RAB43: variants seen among roughly 807,000 people sequenced by gnomAD.
RAB43 encodes the protein RAB43, member RAS oncogene family.
In RAB43, 6 loss-of-function variants were observed where a neutral mutation model predicts 18.8. That is an observed-to-expected ratio of 0.32 (90% CI 0.17 to 0.63). RAB43 has a LOEUF of 0.63. Among genes scored for constraint, RAB43 ranks in the 30% least tolerant of loss-of-function variants. The probability of loss-of-function intolerance (pLI) is 0.79; values close to 1 mark genes in which losing one functional copy is unlikely to be tolerated. For synonymous variants in RAB43, 103 were observed against 124.1 expected (o/e 0.83, Z 1.13); for missense variants, 195 against 289.1 (o/e 0.67, Z 2.36).
chr3:129,099,605 C>T (rs758540629), intron 1 of RAB43, among the ~76,000 whole-genome samples: 11 of 152,052 alleles, frequency 7.2e-5, no homozygotes, highest in Non-Finnish European at 1.5e-4. Flanking sequence ...AGTCTGGTCT[C>T]GAACTCCCGA....
intron 2 of RAB43, among the ~76,000 whole-genome samples, chr3:129,093,091 A>C (rs1191110492): frequency 1.3e-5 from 2 of 151,952 alleles, no homozygotes; most frequent in Non-Finnish European, 2.9e-5. Context: ...CCCAGGTTCA[A>C]GCGATTCTCC....
chr3:129,088,216 CAGGTACAGGTCTTG>C lies in RAB43; in HGVS notation c.*2866_*2879del, dbSNP rs954448763. On this transcript the variant is annotated 3_prime_UTR_variant, in exon 3 of 3. Coordinates refer to ENST00000315150, the MANE Select transcript of RAB43 (RefSeq NM_198490.3). Reference sequence around the variant, plus strand: ...AGCAGGGCAGGAGCCCCTGCAACCCCAGGTACAGGTCTTGAGTCCCTGGACACCGGCTTTTGTGC... The same window carrying C: ...AGCAGGGCAGGAGCCCCTGCAACCCCAGTCCCTGGACACCGGCTTTTGTGC... 3 of 148,970 alleles carry C rather than the reference CAGGTACAGGTCTTG, an allele frequency of 2.0e-5. No homozygotes were observed. The highest frequency in any genetic ancestry group is 4.2e-4 in the East Asian group (2 of 4,788). The allele number at this position is 148,970 out of a possible 1,614,324, so 9.2% of individuals were successfully genotyped here.
intron 1 of RAB43, among the ~76,000 whole-genome samples, chr3:129,097,232 A>G (rs574241754): frequency 6.6e-6 from 1 of 152,362 alleles, no homozygotes; most frequent in East Asian, 1.9e-4. Flanking sequence ...TATTTCAAGA[A>G]AAGTATCCAG....
At chr3:129,111,289 C>T in intron 1 of RAB43, among the ~76,000 whole-genome samples, 1 of 152,056 alleles carries the variant, frequency 6.6e-6, no homozygotes, top group East Asian at 1.9e-4. Context: ...CCGAGGTGGG[C>T]AGATCGCTTA....
chr3:129,094,462 T>A (rs1209021022), intron 2 of RAB43, among the ~76,000 whole-genome samples: 1 of 150,256 alleles, frequency 6.7e-6, no homozygotes, highest in Non-Finnish European at 1.5e-5. Flanking sequence ...AAACTTCAGC[T>A]CTCTTTCTTC....
At chr3:129,111,502 T>C (rs1358585756) in intron 1 of RAB43, among the ~76,000 whole-genome samples, 1 of 102,220 alleles carries the variant, frequency 9.8e-6, no homozygotes, top group Admixed American at 1.3e-4. Flanking sequence ...TGATAGAGAC[T>C]CTGTCTCAAA....
intron 1 of RAB43, among the ~76,000 whole-genome samples, chr3:129,104,053 G>C (rs2108003710): frequency 6.6e-6 from 1 of 152,290 alleles, no homozygotes; most frequent in African/African-American, 2.4e-5. Context: ...AATCTGCATA[G>C]CACCTAGCAC....
At chr3:129,119,508 G>C (rs147066541) in intron 1 of RAB43, among the ~76,000 whole-genome samples, 2 of 152,222 alleles carry the variant, frequency 1.3e-5, no homozygotes, top group African/African-American at 2.4e-5. Flanking sequence ...CTGTGTGAGC[G>C]GGGGTAAGAA....
chr3:129,121,446 T>A lies in RAB43; in HGVS notation c.44A>T (p.Tyr15Phe). ...CAGCACCAGCTTGAACAGGAAATCGTACTGCTCGTCCGGGTCCCCCGGGCC... is the reference window on the plus strand; with the variant it reads ...CAGCACCAGCTTGAACAGGAAATCGAACTGCTCGTCCGGGTCCCCCGGGCC... Reference protein sequence around the residue: ...GPGPGDPDEQYDFLFKLVLVG... With the variant: ...GPGPGDPDEQFDFLFKLVLVG... The change falls in exon 1 of 3, where the codon TAC becomes TTC. Residue 15 changes from tyrosine (Y) to phenylalanine (F), a missense_variant. Tyr to Phe is a conservative substitution (Grantham distance 22). Coordinates refer to ENST00000315150, the MANE Select transcript of RAB43 (RefSeq NM_198490.3). The A allele has an allele frequency of 6.2e-7, 1 of 1,613,018 alleles. No individual in the cohort carries two copies. Among genetic ancestry groups the A allele is most frequent in the Non-Finnish European group, 8.5e-7 (1 of 1,179,586 alleles).
At chr3:129,110,863 T>A (rs1935123640) in intron 1 of RAB43, among the ~76,000 whole-genome samples, 1 of 152,038 alleles carries the variant, frequency 6.6e-6, no homozygotes, top group Admixed American at 6.6e-5. Context: ...GTGGGGGAAT[T>A]TTTATCATAT....
Position 129,116,046 on chromosome 3 carries a change from TA to T in RAB43, c.204+5239del, listed in dbSNP as rs201583467. On this transcript the variant is annotated intron_variant, in intron 1 of 2. Transcript: ENST00000315150. ...AAGCGCAGGAATAGCGATGCTGGCATATTGTTATAACTGTTCTATTTTGTTA... is the reference window on the plus strand; with the variant it reads ...AAGCGCAGGAATAGCGATGCTGGCATTTGTTATAACTGTTCTATTTTGTTA... 5.9e-5 allele frequency among the ~76,000 whole-genome samples: 9 copies of T among 152,352 alleles called. No homozygotes were observed. The East Asian group carries it at 1.7e-3, about 29-fold the overall frequency.
chr3:129,107,578 G>C lies in RAB43; in HGVS notation c.205-12409C>G, dbSNP rs917925306. Reference sequence around the variant, plus strand: ...AGCTCGCGGTGGGCACCGCTCAGCTGGGGGGCCCATCAGGAAGGGTTTTCA... The same window carrying C: ...AGCTCGCGGTGGGCACCGCTCAGCTCGGGGGCCCATCAGGAAGGGTTTTCA... On this transcript the variant is annotated intron_variant, in intron 1 of 2. Transcript: ENST00000315150. The surrounding 1 kb of genome is among the most constrained non-coding windows in gnomAD (Gnocchi z 4.2). Among the ~76,000 whole-genome samples the C allele has an allele frequency of 6.6e-6, 1 of 152,070 alleles. No individual in the cohort carries two copies. The highest frequency in any genetic ancestry group is 2.4e-5 in the African/African-American group (1 of 41,404).
intron 1 of RAB43, among the ~76,000 whole-genome samples, chr3:129,117,359 C>CAGGGTTGAA (rs1348362027): frequency 1.3e-5 from 2 of 152,204 alleles, no homozygotes; most frequent in Admixed American, 1.3e-4. Context: ...AAGTCTGTGG[C>CAGGGTTGAA]AGGGTTGAAG....
chr3:129,106,764 A>G (rs1358670109), intron 1 of RAB43, among the ~76,000 whole-genome samples: 1 of 152,124 alleles, frequency 6.6e-6, no homozygotes, highest in Non-Finnish European at 1.5e-5. Context: ...CTCATGCCCA[A>G]AATTCCTCCC....
chr3:129,121,198 G>C, intron 1 of RAB43, 88 bp downstream of exon 1: 2 of 1,195,260 alleles, frequency 1.7e-6, no homozygotes, highest in Non-Finnish European at 2.3e-6. Context: ...AGATGGACGC[G>C]GGGTGCGCTC....
rs759172176 is a variant in RAB43 at position 129,107,519 on chromosome 3, T to C, written c.205-12350A>G. The stretch of plus-strand genomic sequence containing the variant: ...GCTCCTTTCAGCACCAGGGAAACAT[T>C]TGGGGTAATGAGGAAACCAAGGCAG... On this transcript the variant is annotated intron_variant, in intron 1 of 2. Coordinates refer to ENST00000315150, the MANE Select transcript of RAB43 (RefSeq NM_198490.3). This position sits in a 1 kb window ranked among gnomAD's most constrained non-coding sequence, Gnocchi z 4.2. 6.6e-6 allele frequency among the ~76,000 whole-genome samples: 1 copy of C among 151,998 alleles called. No individual in the cohort carries two copies. Among genetic ancestry groups the C allele is most frequent in the East Asian group, 1.9e-4 (1 of 5,184 alleles).
At chr3:129,109,206 C>T (rs7615212) in intron 1 of RAB43, among the ~76,000 whole-genome samples, 3 of 151,776 alleles carry the variant, frequency 2.0e-5, no homozygotes, top group South Asian at 4.2e-4. Context: ...GTCAGGAGAT[C>T]GAGACCATCC....
chr3:129,101,405 G>A (rs1169786955), intron 1 of RAB43, among the ~76,000 whole-genome samples: 2 of 152,146 alleles, frequency 1.3e-5, no homozygotes, highest in Non-Finnish European at 2.9e-5. Context: ...TGGGGATATA[G>A]CAGGGAACGG....
chr3:129,091,470 A>G (rs1274717351), intron 2 of RAB43, 124 bp from the exon 3 acceptor site: 10 of 1,268,458 alleles, frequency 7.9e-6, no homozygotes, highest in Non-Finnish European at 1.1e-5. Context: ...CACCCCTGGC[A>G]TGGTCATCTG....
Sources: allele counts gnomAD v4.1 joint callset (sites outside exome capture counted in the v4.1 genomes callset), GRCh38; gene constraint gnomAD v4.1.1; non-coding constraint Gnocchi (gnomAD v3.1); transcripts MANE v1.5; gene names NCBI Gene and HGNC (gene_info 2026-07-23, HGNC 2026-07-21).